The following SEMA6D variants were observed in gnomAD, a reference collection of about 807,000 sequenced individuals.
The protein encoded by SEMA6D is semaphorin 6D.
Under a neutral mutation model 106.6 loss-of-function variants are expected in SEMA6D, and 35 were observed. That is an observed-to-expected ratio of 0.33 (90% CI 0.25 to 0.44). The LOEUF is 0.44. SEMA6D is among the 20% of genes least tolerant of loss of function. The probability of loss-of-function intolerance (pLI) is 1.00; values close to 1 mark genes in which losing one functional copy is unlikely to be tolerated. For missense variants in SEMA6D, 1,185 were observed against 1,345.9 expected (o/e 0.88, Z 1.87); for synonymous variants, 499 against 487.7 (o/e 1.02, Z -0.31).
chr15:47,663,436 C>A (rs1388124285), intron 4 of SEMA6D, among the ~76,000 whole-genome samples: 1 of 152,158 alleles, frequency 6.6e-6, no homozygotes, highest in Non-Finnish European at 1.5e-5. Context: ...TTGGATTGAT[C>A]TCTGAAGTAA....
intron 3 of SEMA6D, among the ~76,000 whole-genome samples, chr15:47,583,794 A>G (rs1336819320): frequency 2.0e-5 from 3 of 152,162 alleles, no homozygotes; most frequent in Non-Finnish European, 4.4e-5. Context: ...CTGTGACAAC[A>G]TTAGGGCTTG....
chr15:47,282,683 G>GTGA (rs1484360422), intron 1 of SEMA6D, among the ~76,000 whole-genome samples: 8 of 152,218 alleles, frequency 5.3e-5, no homozygotes, highest in African/African-American at 1.9e-4. Flanking sequence ...AGAACAGAAG[G>GTGA]TGATAGCACA....
chr15:47,581,427 G>A (rs2076252933), intron 3 of SEMA6D: 1 of 478,630 alleles, frequency 2.1e-6, no homozygotes, highest in Non-Finnish European at 4.1e-6. Flanking sequence ...AGTAAATCAG[G>A]GAACATAGCT....
intron 1 of SEMA6D, among the ~76,000 whole-genome samples, chr15:47,269,524 A>G (rs1426670447): frequency 6.6e-6 from 1 of 152,144 alleles, no homozygotes; most frequent in Non-Finnish European, 1.5e-5. Flanking sequence ...CATTAATTCA[A>G]GAGGCTATTT....
At chr15:47,438,405 T>A (rs1462815708) in intron 2 of SEMA6D, among the ~76,000 whole-genome samples, 2 of 152,112 alleles carry the variant, frequency 1.3e-5, no homozygotes, top group South Asian at 2.1e-4. Flanking sequence ...ACTTCTCTAC[T>A]GAAAATCCCC....
intron 4 of SEMA6D, among the ~76,000 whole-genome samples, chr15:47,613,943 A>G (rs10851457): frequency 0.36 from 54,108 of 152,002 alleles, 9,788 homozygotes; most frequent in East Asian, 0.51. Context: ...CACCGCGCCC[A>G]GCCACTTTAT....
At chr15:47,552,817 A>AAAT (rs2045754113) in intron 3 of SEMA6D, among the ~76,000 whole-genome samples, 2 of 13,492 alleles carry the variant, frequency 1.5e-4, no homozygotes, top group African/African-American at 3.1e-4. Context: ...AATATATATA[A>AAAT]ATATATATAT....
chr15:47,265,267 GT>G (rs1056223360), intron 1 of SEMA6D, among the ~76,000 whole-genome samples: 3 of 151,412 alleles, frequency 2.0e-5, no homozygotes, highest in Admixed American at 1.3e-4. Flanking sequence ...TTTCTGGGTG[GT>G]TTTTTTATTG....
intron 1 of SEMA6D, among the ~76,000 whole-genome samples, chr15:47,399,212 G>A (rs2040317328): frequency 2.6e-5 from 4 of 152,114 alleles, no homozygotes; most frequent in Admixed American, 2.6e-4. Context: ...AAATAAAAGA[G>A]GTTAAGTGAT....
At chr15:47,562,258 A>C (rs1268227498) in intron 3 of SEMA6D, among the ~76,000 whole-genome samples, 1 of 152,012 alleles carries the variant, frequency 6.6e-6, no homozygotes, top group Non-Finnish European at 1.5e-5. Context: ...AAAAAAATTA[A>C]ATAAATTGTA....
At chr15:47,483,678 T>C (rs1248732147) in intron 3 of SEMA6D, among the ~76,000 whole-genome samples, 1 of 152,178 alleles carries the variant, frequency 6.6e-6, no homozygotes, top group African/African-American at 2.4e-5. Flanking sequence ...GAGAGAACTA[T>C]ATGAATTTTA....
At chr15:47,184,115 T>G (rs1381990930) in exon 1 of SEMA6D, 2 of 152,230 alleles carry the variant, frequency 1.3e-5, no homozygotes, top group African/African-American at 2.4e-5. Flanking sequence ...CCGGTGGAAG[T>G]GTCAAAGAGG....
rs551245174 is a variant in SEMA6D at position 47,768,826 on chromosome 15, C to G, written c.1933+78C>G. 251 of 1,397,644 alleles carry G rather than the reference C, an allele frequency of 1.8e-4. 1 individual carries two copies. The South Asian group carries it at 3.7e-3, about 21-fold the overall frequency. 86.6% of individuals were successfully genotyped at this position (1,397,644 alleles called of 1,614,324 possible). On this transcript the variant is annotated intron_variant, in intron 18 of 18. Transcript: ENST00000536845. ...ATGTCACTGAGGAGTATGTGGTTCTCCAGAGGTGGGCCTCACAGGAGCTTC... is the reference window on the plus strand; with the variant it reads ...ATGTCACTGAGGAGTATGTGGTTCTGCAGAGGTGGGCCTCACAGGAGCTTC...
chr15:47,472,433 T>C (rs1037714605), intron 3 of SEMA6D, among the ~76,000 whole-genome samples: 1 of 152,142 alleles, frequency 6.6e-6, no homozygotes, highest in South Asian at 2.1e-4. Context: ...GAGCAATTTA[T>C]TTTTCTCTCA....
intron 1 of SEMA6D, among the ~76,000 whole-genome samples, chr15:47,198,667 T>G (rs1004894286): frequency 6.6e-6 from 1 of 152,144 alleles, no homozygotes; most frequent in Non-Finnish European, 1.5e-5. Flanking sequence ...GGATGAGATT[T>G]TTTTTTCTCT....
intron 1 of SEMA6D, among the ~76,000 whole-genome samples, chr15:47,257,182 C>G (rs985058232): frequency 4.6e-5 from 7 of 151,802 alleles, no homozygotes; most frequent in Non-Finnish European, 8.8e-5. Context: ...CTCAGCCTCC[C>G]AAGTAGCTGG....
chr15:47,743,747 G>T (rs992846271), intron 1 of SEMA6D, among the ~76,000 whole-genome samples: 1 of 152,174 alleles, frequency 6.6e-6, no homozygotes, highest in Non-Finnish European at 1.5e-5. Context: ...AGAAAGCTGA[G>T]TTTGCACTGG....
chr15:47,285,546 G>C (rs1235589516), intron 1 of SEMA6D, among the ~76,000 whole-genome samples: 1 of 152,056 alleles, frequency 6.6e-6, no homozygotes, highest in East Asian at 1.9e-4. Context: ...AAACTGTGCA[G>C]ATCTCCTGAA....
intron 4 of SEMA6D, among the ~76,000 whole-genome samples, chr15:47,613,651 A>C (rs28706534): frequency 6.6e-6 from 1 of 151,684 alleles, no homozygotes. Context: ...TTTATTTTTT[A>C]ATTTTTTTTT....
Sources: gnomAD v4.1 joint callset for allele counts (sites outside exome capture counted in the v4.1 genomes callset) on GRCh38, gnomAD v4.1.1 for gene constraint, MANE v1.5 for transcripts, NCBI Gene and HGNC (gene_info 2026-07-23, HGNC 2026-07-21) for gene names.